The following PPFIA1 variants were observed in gnomAD, a reference collection of about 807,000 sequenced individuals.
PPFIA1 encodes the protein PPFI scaffold protein A1.
Under a neutral mutation model 149.9 loss-of-function variants are expected in PPFIA1, and 25 were observed. The ratio of observed to expected loss-of-function variants is 0.17; its 90% CI spans 0.12 to 0.23. The LOEUF (loss-of-function observed/expected upper bound fraction) is 0.23, where lower values mean the gene tolerates loss of function less well. PPFIA1 is among the 10% of genes least tolerant of loss of function. PPFIA1 has a pLI of 1.00. For synonymous variants in PPFIA1, 549 were observed against 552.8 expected (o/e 0.99, Z 0.10); for missense variants, 1,362 against 1,506.5 (o/e 0.90, Z 1.59).
intron 14 of PPFIA1, among the ~76,000 whole-genome samples, chr11:70,342,325 A>G (rs953330232): frequency 6.6e-6 from 1 of 152,192 alleles, no homozygotes; most frequent in Non-Finnish European, 1.5e-5. Flanking sequence ...TTTTGTCTCC[A>G]TGAAATGGGA....
At chr11:70,364,557 T>G (rs1393141230) in intron 21 of PPFIA1, 2 of 152,200 alleles carry the variant, frequency 1.3e-5, no homozygotes, top group Non-Finnish European at 1.5e-5. Context: ...AAAAAAGTTT[T>G]GAGGGGTTTT....
At position 70,362,388 on chromosome 11, in the gene PPFIA1, A is replaced by C. The variant is rs1416229708; in HGVS notation, c.2765A>C (p.Glu922Ala). The stretch of plus-strand genomic sequence containing the variant: ...CTGTCCGACACAGAGATCCAGCGTG[A>C]GATTGGCATCAGCAACCCCCTGCAC... The part of the protein sequence containing the change: ...SALSDTEIQR[E>A]IGISNPLHRL... The change falls in exon 21 of 28, where the codon GAG becomes GCG. Residue 922 changes from glutamate (E) to alanine (A), a missense_variant. By Grantham distance (107) the Glu-to-Ala change is moderately radical. Coordinates refer to ENST00000253925, the MANE Select transcript of PPFIA1 (RefSeq NM_003626.5). The C allele has an allele frequency of 1.2e-6, 2 of 1,614,196 alleles. No homozygotes were observed. Among genetic ancestry groups the C allele is most frequent in the South Asian group, 1.1e-5 (1 of 91,086 alleles).
chr11:70,349,984 C>T (rs1489350020), intron 16 of PPFIA1: 1 of 454,966 alleles, frequency 2.2e-6, no homozygotes, highest in East Asian at 7.0e-5. Flanking sequence ...GTTTACTCAT[C>T]CACCTCCCCT....
intron 2 of PPFIA1, among the ~76,000 whole-genome samples, chr11:70,323,152 C>T (rs2054055859): frequency 6.6e-6 from 1 of 152,238 alleles, no homozygotes; most frequent in Non-Finnish European, 1.5e-5. Flanking sequence ...AAACCCACAC[C>T]TCCAGTTGCC....
At position 70,330,170 on chromosome 11, in the gene PPFIA1, T is replaced by C. The variant is rs1565403156; in HGVS notation, c.931-3T>C. ...TTTGTCCCCTCTGAAATACCTAATT[T>C]AGGCCATGGCCCAAAAGGAAGATAT... On this transcript the variant is annotated splice_polypyrimidine_tract_variant and splice_region_variant and intron_variant, in intron 7 of 27. Transcript: ENST00000253925. The C allele has an allele frequency of 6.3e-7, 1 of 1,588,344 alleles. No homozygotes were observed.
At chr11:70,332,801 C>G (rs957420857) in intron 9 of PPFIA1, among the ~76,000 whole-genome samples, 1 of 152,160 alleles carries the variant, frequency 6.6e-6, no homozygotes, top group Non-Finnish European at 1.5e-5. Context: ...AGCTGAGGCC[C>G]CTGTCTGTCG....
chr11:70,280,839 A>T (rs1406193714), intron 2 of PPFIA1, among the ~76,000 whole-genome samples: 1 of 152,168 alleles, frequency 6.6e-6, no homozygotes, highest in Non-Finnish European at 1.5e-5. Flanking sequence ...AAGCACTGGG[A>T]TTACAGGTGT....
At chr11:70,288,750 ATTGGCTCCTGTGTCTT>A (rs2051322298) in intron 2 of PPFIA1, among the ~76,000 whole-genome samples, 1 of 152,076 alleles carries the variant, frequency 6.6e-6, no homozygotes, top group African/African-American at 2.4e-5. Flanking sequence ...TCCCTTTCAG[ATTGGCTCCTGTGTCTT>A]TTTGCCAAGA....
intron 15 of PPFIA1, among the ~76,000 whole-genome samples, chr11:70,344,440 C>T (rs780675209): frequency 6.0e-4 from 91 of 152,290 alleles, no homozygotes; most frequent in African/African-American, 9.4e-4. Context: ...CCGGAGCGGG[C>T]GCATATGGTG....
intron 21 of PPFIA1, among the ~76,000 whole-genome samples, chr11:70,369,606 C>CT (rs560362626): frequency 6.6e-6 from 1 of 152,024 alleles, no homozygotes. Context: ...TAGAGATTTT[C>CT]TTTTTTGTAT....
intron 12 of PPFIA1, among the ~76,000 whole-genome samples, chr11:70,337,884 A>T (rs2055079604): frequency 6.6e-6 from 1 of 152,208 alleles, no homozygotes; most frequent in African/African-American, 2.4e-5. Context: ...TAGTCATAGC[A>T]CATCTCCATT....
chr11:70,308,998 CTTTA>C (rs956896701), intron 2 of PPFIA1, among the ~76,000 whole-genome samples: 7 of 151,994 alleles, frequency 4.6e-5, no homozygotes, highest in Non-Finnish European at 1.5e-5. Context: ...GGTTTCTGCC[CTTTA>C]TTTATTTTTA....
intron 25 of PPFIA1, 79 bp downstream of exon 25, chr11:70,376,679 T>C (rs913147054): frequency 4.1e-6 from 5 of 1,215,784 alleles, no homozygotes; most frequent in East Asian, 2.3e-5. Flanking sequence ...TAAGCTGTTA[T>C]TATTATTATA....
intron 2 of PPFIA1, among the ~76,000 whole-genome samples, chr11:70,281,395 G>T (rs920306556): frequency 2.0e-5 from 3 of 152,110 alleles, no homozygotes; most frequent in African/African-American, 7.2e-5. Context: ...CCATCCGGGG[G>T]TTCCATCTGA....
chr11:70,366,025 G>T, intron 21 of PPFIA1: 1 of 448,546 alleles, frequency 2.2e-6, no homozygotes, highest in Non-Finnish European at 4.4e-6. Context: ...AAAGCAATTG[G>T]AGTATGAAAA....
At chr11:70,281,751 A>G (rs1442541420) in intron 2 of PPFIA1, among the ~76,000 whole-genome samples, 2 of 151,936 alleles carry the variant, frequency 1.3e-5, no homozygotes, top group Non-Finnish European at 2.9e-5. Flanking sequence ...TGAATAGTGG[A>G]CTCACCTCAG....
chr11:70,276,396 A>G (rs2050383398), intron 2 of PPFIA1, among the ~76,000 whole-genome samples: 1 of 151,760 alleles, frequency 6.6e-6, no homozygotes, highest in Admixed American at 6.6e-5. Context: ...CCTGATCTTG[A>G]TGTATTCTCC....
intron 15 of PPFIA1, 114 bp from the exon 16 acceptor site, chr11:70,348,075 C>T: frequency 1.3e-6 from 1 of 777,864 alleles, no homozygotes. Flanking sequence ...GTTTGAGCAG[C>T]TTATTACTGG....
intron 25 of PPFIA1, among the ~76,000 whole-genome samples, chr11:70,377,398 G>A (rs1323221246): frequency 6.6e-6 from 1 of 152,118 alleles, no homozygotes; most frequent in Non-Finnish European, 1.5e-5. Flanking sequence ...TCTCTTAATT[G>A]GACCTTAAGA....
Sources: gnomAD v4.1 joint callset for allele counts (sites outside exome capture counted in the v4.1 genomes callset) on GRCh38, gnomAD v4.1.1 for gene constraint, MANE v1.5 for transcripts, NCBI Gene and HGNC (gene_info 2026-07-23, HGNC 2026-07-21) for gene names.